The following VWC2 variants were observed in gnomAD, a reference collection of about 807,000 sequenced individuals.
The protein encoded by VWC2 is von Willebrand factor C domain containing 2, also known as brorin.
VWC2 carries 14 observed loss-of-function variants against 29.8 expected under a neutral mutation model. The ratio of observed to expected loss-of-function variants is 0.47; its 90% CI spans 0.31 to 0.74. VWC2 has a LOEUF of 0.74. Among genes scored for constraint, VWC2 ranks in the 30% least tolerant of loss-of-function variants. VWC2 has a pLI of 0.05. For synonymous variants in VWC2, 213 were observed against 199.0 expected (o/e 1.07, Z -0.59); for missense variants, 457 against 459.8 (o/e 0.99, Z 0.05).
intron 3 of VWC2, among the ~76,000 whole-genome samples, chr7:49,845,656 C>G (rs1447824767): frequency 6.6e-6 from 1 of 151,256 alleles, no homozygotes; most frequent in East Asian, 1.9e-4. Flanking sequence ...AAAATACCAA[C>G]CTTCGGTGAT....
chr7:49,776,223 T>G (rs1019059318), intron 2 of VWC2, 92 bp downstream of exon 2: 1 of 1,152,810 alleles, frequency 8.7e-7, no homozygotes, highest in Admixed American at 2.7e-5. Context: ...GAAGAAGAGG[T>G]GCTCTCTGGT....
intron 3 of VWC2, among the ~76,000 whole-genome samples, chr7:49,847,009 T>C: frequency 6.6e-6 from 1 of 152,202 alleles, no homozygotes; most frequent in East Asian, 1.9e-4. Flanking sequence ...AGAATTTAAC[T>C]CTAACTTGCA....
chr7:49,859,784 G>A (rs1429790125), intron 3 of VWC2, among the ~76,000 whole-genome samples: 7 of 71,482 alleles, frequency 9.8e-5, no homozygotes, highest in African/African-American at 3.4e-4. Flanking sequence ...TACAGTGCGC[G>A]TGCGTGCACA....
At chr7:49,796,898 T>C (rs1296252351) in intron 2 of VWC2, among the ~76,000 whole-genome samples, 2 of 152,242 alleles carry the variant, frequency 1.3e-5, no homozygotes, top group Non-Finnish European at 2.9e-5. Context: ...CTTACCATCA[T>C]ATAGAGCTTT....
At chr7:49,874,550 G>A (rs199713365) in intron 3 of VWC2, among the ~76,000 whole-genome samples, 3 of 31,424 alleles carry the variant, frequency 9.5e-5, no homozygotes, top group Admixed American at 3.0e-4. Context: ...GACTATATAT[G>A]TGTGTGTGTG....
intron 3 of VWC2, among the ~76,000 whole-genome samples, chr7:49,839,788 A>C (rs1432913303): frequency 6.6e-6 from 1 of 152,236 alleles, no homozygotes; most frequent in African/African-American, 2.4e-5. Context: ...GGGGCCTTTG[A>C]CATGAACTCA....
chr7:49,843,406 T>C (rs752427029), intron 3 of VWC2, among the ~76,000 whole-genome samples: 10 of 151,974 alleles, frequency 6.6e-5, no homozygotes, highest in Non-Finnish European at 1.3e-4. Context: ...ATTAAGCAAA[T>C]GTTTTCAGAG....
intron 3 of VWC2, among the ~76,000 whole-genome samples, chr7:49,843,963 A>G (rs553537935): frequency 6.6e-6 from 1 of 152,332 alleles, no homozygotes; most frequent in South Asian, 2.1e-4. Flanking sequence ...ATTCTATTAC[A>G]GGGGCCTATG....
intron 3 of VWC2, among the ~76,000 whole-genome samples, chr7:49,897,728 G>A (rs1024138714): frequency 6.6e-6 from 1 of 152,188 alleles, no homozygotes; most frequent in Non-Finnish European, 1.5e-5. Context: ...TTAGGAAAAT[G>A]TAAACTGTAA....
chr7:49,847,905 G>T (rs116325348), intron 3 of VWC2, among the ~76,000 whole-genome samples: 2,170 of 152,276 alleles, frequency 0.014, 40 homozygotes, highest in African/African-American at 0.049. Flanking sequence ...ACTCACAGGT[G>T]AGTGGTTTAC....
At chr7:49,894,218 A>C (rs1346593739) in intron 3 of VWC2, among the ~76,000 whole-genome samples, 1 of 152,128 alleles carries the variant, frequency 6.6e-6, no homozygotes, top group Non-Finnish European at 1.5e-5. Flanking sequence ...GTGCAGTAGC[A>C]CAATCACAGC....
intron 2 of VWC2, among the ~76,000 whole-genome samples, chr7:49,799,897 A>G (rs1006648587): frequency 1.3e-5 from 2 of 152,258 alleles, no homozygotes; most frequent in Admixed American, 6.5e-5. Flanking sequence ...GTAAGCAGTT[A>G]TAACACATGG....
intron 3 of VWC2, among the ~76,000 whole-genome samples, chr7:49,863,459 A>C (rs939199524): frequency 1.3e-5 from 2 of 151,866 alleles, no homozygotes; most frequent in Admixed American, 6.6e-5. Context: ...TTGAGACAAG[A>C]TCTCACTCTG....
Position 49,877,484 on chromosome 7 carries a change from AT to A in VWC2, c.827-34549del, listed in dbSNP as rs1562747791. On this transcript the variant is annotated intron_variant, in intron 3 of 3. Transcript: ENST00000340652. ...TCTCAAAAAAAAAAAAAAAAAAAAT[AT>A]ATATATATATATATATATATATATA... Among the ~76,000 whole-genome samples the A allele has an allele frequency of 6.5e-3, 174 of 26,574 alleles. 37 individuals are homozygous for A. Among genetic ancestry groups the A allele is most frequent in the East Asian group, 0.023 (16 of 686 alleles). The allele number at this position is 26,574 out of a possible 152,430, so 17.4% of individuals were successfully genotyped here. A position where few individuals can be genotyped will look rare whatever the true frequency, so the allele number is the denominator to read the frequency against.
At chr7:49,900,127 T>G (rs1792634312) in intron 3 of VWC2, among the ~76,000 whole-genome samples, 1 of 151,682 alleles carries the variant, frequency 6.6e-6, no homozygotes. Flanking sequence ...TAAATAAAAA[T>G]TTAGTTTATT....
chr7:49,899,880 A>C (rs1012035839), intron 3 of VWC2, among the ~76,000 whole-genome samples: 5 of 151,950 alleles, frequency 3.3e-5, no homozygotes, highest in African/African-American at 1.2e-4. Flanking sequence ...CATTATTCTC[A>C]AGATGATATG....
At chr7:49,797,106 C>T (rs954996033) in intron 2 of VWC2, among the ~76,000 whole-genome samples, 5 of 152,174 alleles carry the variant, frequency 3.3e-5, no homozygotes, top group African/African-American at 1.2e-4. Flanking sequence ...TTATAAAGGT[C>T]TAACTATGAA....
At chr7:49,818,400 A>G (rs1789195725) in intron 3 of VWC2, among the ~76,000 whole-genome samples, 1 of 152,172 alleles carries the variant, frequency 6.6e-6, no homozygotes, top group African/African-American at 2.4e-5. Flanking sequence ...CAGTTAACTC[A>G]CAAATTTTCT....
rs757228415 is a variant in VWC2 at position 49,775,576 on chromosome 7, G to A, written c.141G>A (p.Lys47=). The change falls in exon 2 of 4, where the codon AAG becomes AAA. Residue 47 remains lysine, a synonymous_variant. Transcript: ENST00000340652. The part of the protein sequence containing the change: ...AQAPEQPGQE[K]REHASRDGPG... ...CACCAGAGCAGCCGGGCCAGGAGAA[G>A]CGTGAGCACGCCTCTCGGGACGGCC... The A allele has an allele frequency of 6.5e-7, 1 of 1,540,226 alleles. No individual in the cohort carries two copies. The highest frequency in any genetic ancestry group is 1.2e-5 in the South Asian group (1 of 82,932).
Sources: allele counts gnomAD v4.1 joint callset (sites outside exome capture counted in the v4.1 genomes callset), GRCh38; gene constraint gnomAD v4.1.1; transcripts MANE v1.5; gene names NCBI Gene and HGNC (gene_info 2026-07-23, HGNC 2026-07-21).